The following CPEB4 variants were observed in gnomAD, a reference collection of about 807,000 sequenced individuals.
The protein encoded by CPEB4 is cytoplasmic polyadenylation element binding protein 4.
CPEB4 carries 12 observed loss-of-function variants against 72.5 expected under a neutral mutation model. The ratio of observed to expected loss-of-function variants is 0.17; its 90% CI spans 0.11 to 0.27. The LOEUF is 0.27. Among genes scored for constraint, CPEB4 ranks in the 10% least tolerant of loss-of-function variants. The pLI, the probability that CPEB4 is intolerant of heterozygous loss-of-function variation, is 1.00. For synonymous variants in CPEB4, 302 were observed against 326.3 expected (o/e 0.93, Z 0.80); for missense variants, 614 against 908.5 (o/e 0.68, Z 4.17).
At chr5:173,930,380 G>C (rs1316620929) in intron 2 of CPEB4, among the ~76,000 whole-genome samples, 1 of 151,964 alleles carries the variant, frequency 6.6e-6, no homozygotes, top group East Asian at 1.9e-4. Context: ...TTTTTAACAG[G>C]GTCATGTTCT....
rs972033934 is a variant in CPEB4 at position 173,959,611 on chromosome 5, A to T, written c.*3474A>T. On this transcript the variant is annotated 3_prime_UTR_variant, in exon 10 of 10. Transcript: ENST00000265085. Reference sequence around the variant, plus strand: ...TTAATTGCAGACATTTAAAAATGTCATTTTCTACTGTTAAGAGTAATCCTC... The same window carrying T: ...TTAATTGCAGACATTTAAAAATGTCTTTTTCTACTGTTAAGAGTAATCCTC... 2 of 152,762 alleles carry T rather than the reference A, an allele frequency of 1.3e-5. No individual in the cohort carries two copies. The highest frequency in any genetic ancestry group is 4.8e-5 in the African/African-American group (2 of 41,452). 9.5% of individuals were successfully genotyped at this position (152,762 alleles called of 1,614,324 possible). A position where few individuals can be genotyped will look rare whatever the true frequency, so the allele number is the denominator to read the frequency against.
intron 1 of CPEB4, among the ~76,000 whole-genome samples, chr5:173,907,865 T>C (rs1461582932): frequency 6.6e-6 from 1 of 152,220 alleles, no homozygotes; most frequent in Non-Finnish European, 1.5e-5. Flanking sequence ...ATGACTGACT[T>C]GGCGCACCAT....
At chr5:173,911,403 C>T (rs1478650175) in intron 2 of CPEB4, among the ~76,000 whole-genome samples, 1 of 152,086 alleles carries the variant, frequency 6.6e-6, no homozygotes, top group Admixed American at 6.5e-5. Context: ...GCTGGGACTA[C>T]AGGCGCCCAC....
chr5:173,941,866 C>T (rs748334813), intron 3 of CPEB4, among the ~76,000 whole-genome samples: 1 of 152,202 alleles, frequency 6.6e-6, no homozygotes, highest in Non-Finnish European at 1.5e-5. Flanking sequence ...GAGCTAGATT[C>T]TGTCTCCAAA....
In CPEB4 at chr5:173,888,404, G is replaced by C. The variant is rs1014120743; in HGVS notation, c.-1330G>C. 5 of 453,780 alleles carry C rather than the reference G, an allele frequency of 1.1e-5. No individual in the cohort carries two copies. The highest frequency in any genetic ancestry group is 8.2e-5 in the African/African-American group (4 of 48,910). 28.1% of individuals were successfully genotyped at this position (453,780 alleles called of 1,614,324 possible). ...GCCGCGGCTGCGGGACCCGGGCACC[G>C]GGAGGCGGTGGCGGCGGCGGCGGCG... On this transcript the variant is annotated 5_prime_UTR_variant, in exon 1 of 10. Coordinates refer to ENST00000265085, the MANE Select transcript of CPEB4 (RefSeq NM_030627.4). The surrounding 1 kb of genome is among the most constrained non-coding windows in gnomAD (Gnocchi z 4.3).
At chr5:173,923,637 G>A (rs574362883) in intron 2 of CPEB4, among the ~76,000 whole-genome samples, 13 of 151,848 alleles carry the variant, frequency 8.6e-5, no homozygotes, top group South Asian at 8.3e-4. Flanking sequence ...TTTCTGGATT[G>A]CTTTAATTTT....
intron 5 of CPEB4, among the ~76,000 whole-genome samples, chr5:173,946,682 A>G (rs911934320): frequency 6.6e-6 from 1 of 152,118 alleles, no homozygotes; most frequent in Admixed American, 6.5e-5. Context: ...TTTTCTTACA[A>G]TAGAGCTGGG....
rs1403874638 is a variant in CPEB4 at position 173,957,234 on chromosome 5, TTTGGCTGCTGA to T, written c.*1104_*1114del. 6.5e-6 allele frequency: 1 copy of T among 152,754 alleles called. No homozygotes were observed. Among genetic ancestry groups the T allele is most frequent in the Non-Finnish European group, 1.5e-5 (1 of 68,024 alleles). The allele number at this position is 152,754 out of a possible 1,614,324, so 9.5% of individuals were successfully genotyped here. On this transcript the variant is annotated 3_prime_UTR_variant, in exon 10 of 10. Coordinates refer to ENST00000265085, the MANE Select transcript of CPEB4 (RefSeq NM_030627.4). ...ACTGGAAGACAAAACCAATATATAATTTGGCTGCTGATTGGCTTACTTTTAGATTTAAAGTT... is the reference window on the plus strand; with the variant it reads ...ACTGGAAGACAAAACCAATATATAATTTGGCTTACTTTTAGATTTAAAGTT...
intron 1 of CPEB4, among the ~76,000 whole-genome samples, chr5:173,895,525 C>G (rs1755974181): frequency 6.6e-6 from 1 of 152,200 alleles, no homozygotes. Flanking sequence ...AAACAGAACA[C>G]TGCTGGAGTG....
At chr5:173,947,405 G>T (rs1176641094) in intron 5 of CPEB4, among the ~76,000 whole-genome samples, 1 of 152,014 alleles carries the variant, frequency 6.6e-6, no homozygotes, top group Non-Finnish European at 1.5e-5. Context: ...TATGTAGAGG[G>T]GGCTTGCTCA....
chr5:173,944,312 A>C (rs538994451), intron 4 of CPEB4, among the ~76,000 whole-genome samples: 3 of 152,248 alleles, frequency 2.0e-5, no homozygotes, highest in South Asian at 4.1e-4. Flanking sequence ...CACTTTAAAA[A>C]TCTACTTGTT....
intron 3 of CPEB4, among the ~76,000 whole-genome samples, chr5:173,934,166 C>A (rs952544858): frequency 6.6e-6 from 1 of 152,150 alleles, no homozygotes; most frequent in African/African-American, 2.4e-5. Context: ...GCCACAGTAA[C>A]AGAGTGACAC....
At chr5:173,942,854 C>T (rs1757894396) in intron 3 of CPEB4, among the ~76,000 whole-genome samples, 172 bp from the exon 4 acceptor site, 1 of 152,140 alleles carries the variant, frequency 6.6e-6, no homozygotes, top group African/African-American at 2.4e-5. Context: ...CCAAAATTGA[C>T]CTCTTACCTC....
intron 1 of CPEB4, among the ~76,000 whole-genome samples, chr5:173,905,191 AG>A (rs1733159299): frequency 6.6e-6 from 1 of 152,012 alleles, no homozygotes; most frequent in Admixed American, 6.6e-5. Context: ...TTGAGTTGTC[AG>A]TATCTTTTGT....
chr5:173,936,848 C>T (rs77993476), intron 3 of CPEB4, among the ~76,000 whole-genome samples: 1,762 of 148,724 alleles, frequency 0.012, 31 homozygotes, highest in African/African-American at 0.042. Flanking sequence ...TTTCATTCTC[C>T]TGCTTTAGCC....
Position 173,888,569 on chromosome 5 carries a change from G to A in CPEB4, c.-1165G>A. On this transcript the variant is annotated 5_prime_UTR_variant, in exon 1 of 10. Transcript: ENST00000265085. The surrounding 1 kb of genome is among the most constrained non-coding windows in gnomAD (Gnocchi z 4.3). ...GGCGGCGACGGCCCAGCAACCGTGAGGAGAAACAAAAGCCTTCTAAATTAT... is the reference window on the plus strand; with the variant it reads ...GGCGGCGACGGCCCAGCAACCGTGAAGAGAAACAAAAGCCTTCTAAATTAT... The A allele has an allele frequency of 5.0e-6, 2 of 402,940 alleles. No homozygotes were observed. Among genetic ancestry groups the A allele is most frequent in the Non-Finnish European group, 8.7e-6 (2 of 228,928 alleles). The allele number at this position is 402,940 out of a possible 1,614,324, so 25.0% of individuals were successfully genotyped here.
rs1758364458 is a variant in CPEB4 at position 173,955,976 on chromosome 5, G to T, written c.2029G>T (p.Gly677Trp). ...CDECQGARCG[G>W]KFAPFFCANV... ...TGAATGTCAGGGGGCCCGTTGTGGG[G>T]GGAAATTTGCTCCATTTTTCTGTGC... The change falls in exon 10 of 10, where the codon GGG (glycine) becomes TGG (tryptophan). Residue 677 changes from glycine (G) to tryptophan (W), a missense_variant. Coordinates refer to ENST00000265085, the MANE Select transcript of CPEB4 (RefSeq NM_030627.4). The surrounding 1 kb of genome is among the most constrained non-coding windows in gnomAD (Gnocchi z 4.7). 1 of 1,614,062 alleles carries T rather than the reference G, an allele frequency of 6.2e-7. No individual in the cohort carries two copies. The highest frequency in any genetic ancestry group is 8.5e-7 in the Non-Finnish European group (1 of 1,179,982).
At chr5:173,908,450 C>T (rs1756523743) in intron 1 of CPEB4, among the ~76,000 whole-genome samples, 1 of 152,206 alleles carries the variant, frequency 6.6e-6, no homozygotes, top group South Asian at 2.1e-4. Flanking sequence ...TGGGGGAAAA[C>T]TTGAAATACT....
At chr5:173,952,048 T>C in intron 8 of CPEB4, 110 bp downstream of exon 8, 1 of 721,290 alleles carries the variant, frequency 1.4e-6, no homozygotes, top group East Asian at 2.7e-5. Context: ...GTGAGAGTTC[T>C]AGAATCAAAA....
Sources: allele counts gnomAD v4.1 joint callset (sites outside exome capture counted in the v4.1 genomes callset), GRCh38; gene constraint gnomAD v4.1.1; non-coding constraint Gnocchi (gnomAD v3.1); transcripts MANE v1.5; gene names NCBI Gene and HGNC (gene_info 2026-07-23, HGNC 2026-07-21).